The following SORCS3 variants were observed in gnomAD, a reference collection of about 807,000 sequenced individuals.
SORCS3 encodes VPS10 domain-containing receptor SorCS3.
Under a neutral mutation model 146.3 loss-of-function variants are expected in SORCS3, and 57 were observed. The ratio of observed to expected loss-of-function variants is 0.39; its 90% confidence interval spans 0.31 to 0.49. The LOEUF is 0.49. Ranked by LOEUF, SORCS3 falls within the 20% of genes least tolerant of loss-of-function variation. SORCS3 has a pLI of 0.92. For synonymous variants in SORCS3, 653 were observed against 618.5 expected (o/e 1.06, Z -0.83); for missense variants, 1,341 against 1,575.5 (o/e 0.85, Z 2.52).
chr10:104,699,073 T>A (rs1474154089), intron 1 of SORCS3, among the ~76,000 whole-genome samples: 2 of 152,156 alleles, frequency 1.3e-5, no homozygotes, highest in African/African-American at 2.4e-5. Flanking sequence ...TATTTGTTAG[T>A]TTCCAGAGGA....
intron 1 of SORCS3, among the ~76,000 whole-genome samples, chr10:104,842,330 C>T (rs965288493): frequency 1.3e-5 from 2 of 152,218 alleles, no homozygotes; most frequent in African/African-American, 4.8e-5. Flanking sequence ...CACAAAATCT[C>T]TTTGAACCCC....
At chr10:105,064,035 A>C (rs918874868) in intron 5 of SORCS3, among the ~76,000 whole-genome samples, 7 of 152,200 alleles carry the variant, frequency 4.6e-5, no homozygotes, top group Admixed American at 6.5e-5. Context: ...TTCACCACTC[A>C]TTAATTGATT....
chr10:105,129,107 G>C (rs915560636), intron 7 of SORCS3, among the ~76,000 whole-genome samples: 2 of 152,014 alleles, frequency 1.3e-5, no homozygotes, highest in African/African-American at 2.4e-5. Context: ...GAAGTACTGG[G>C]ATACTATAGA....
At chr10:104,877,681 G>A (rs2018589831) in intron 2 of SORCS3, among the ~76,000 whole-genome samples, 1 of 152,046 alleles carries the variant, frequency 6.6e-6, no homozygotes, top group Non-Finnish European at 1.5e-5. Context: ...TACCATATAA[G>A]GACAGAAAAC....
chr10:104,977,726 T>C (rs1338546912), intron 4 of SORCS3, among the ~76,000 whole-genome samples: 3 of 142,158 alleles, frequency 2.1e-5, no homozygotes, highest in Non-Finnish European at 3.0e-5. Flanking sequence ...TTTCCTTTTC[T>C]TTTCTTTTTT....
intron 6 of SORCS3, among the ~76,000 whole-genome samples, chr10:105,095,992 G>C (rs949080471): frequency 2.6e-5 from 4 of 152,068 alleles, no homozygotes. Context: ...AGAAATTTGT[G>C]CTTTTCTTAT....
At chr10:105,154,428 G>C (rs546860055) in intron 9 of SORCS3, among the ~76,000 whole-genome samples, 3 of 152,168 alleles carry the variant, frequency 2.0e-5, no homozygotes, top group Non-Finnish European at 4.4e-5. Flanking sequence ...TCCGCCAAGG[G>C]GCCTGCTGTC....
At chr10:105,130,892 A>T (rs2056013985) in intron 7 of SORCS3, among the ~76,000 whole-genome samples, 1 of 152,160 alleles carries the variant, frequency 6.6e-6, no homozygotes, top group Non-Finnish European at 1.5e-5. Context: ...ATAGGATGCC[A>T]TGTTGTTCCA....
At chr10:104,709,250 G>A (rs1035831456) in intron 1 of SORCS3, among the ~76,000 whole-genome samples, 8 of 152,202 alleles carry the variant, frequency 5.3e-5, no homozygotes, top group South Asian at 4.1e-4. Flanking sequence ...CTGGGAATGC[G>A]TCACATGGAA....
chr10:105,160,790 T>G (rs1179499860), intron 11 of SORCS3, among the ~76,000 whole-genome samples: 1 of 152,222 alleles, frequency 6.6e-6, no homozygotes, highest in Non-Finnish European at 1.5e-5. Context: ...ATAAATCCGA[T>G]GCATGCACTA....
chr10:104,961,862 A>G (rs1371744994), intron 3 of SORCS3, among the ~76,000 whole-genome samples: 1 of 152,130 alleles, frequency 6.6e-6, no homozygotes, highest in African/African-American at 2.4e-5. Flanking sequence ...GTCATGCATC[A>G]CATGATTTAT....
intron 5 of SORCS3, among the ~76,000 whole-genome samples, chr10:105,071,991 G>A (rs1213341063): frequency 1.3e-5 from 2 of 152,180 alleles, no homozygotes; most frequent in African/African-American, 4.8e-5. Context: ...GTCTCTTGGT[G>A]TAAAGACTGA....
At chr10:105,058,697 C>T (rs2055462586) in intron 5 of SORCS3, among the ~76,000 whole-genome samples, 1 of 152,058 alleles carries the variant, frequency 6.6e-6, no homozygotes, top group Non-Finnish European at 1.5e-5. Context: ...GGCCTTGGGG[C>T]ACTAGTAGGA....
chr10:105,134,751 A>G (rs1589649775), intron 7 of SORCS3, among the ~76,000 whole-genome samples: 2 of 152,208 alleles, frequency 1.3e-5, no homozygotes, highest in East Asian at 3.9e-4. Context: ...CATTCCATCC[A>G]TGGCCCCACA....
intron 1 of SORCS3, among the ~76,000 whole-genome samples, chr10:104,785,062 G>T (rs1224027833): frequency 6.6e-6 from 1 of 151,744 alleles, no homozygotes; most frequent in Non-Finnish European, 1.5e-5. Flanking sequence ...TGGGGCGGCT[G>T]GCCGGGCAGG....
At chr10:105,232,437 T>C (rs1400845277) in intron 20 of SORCS3, among the ~76,000 whole-genome samples, 2 of 152,088 alleles carry the variant, frequency 1.3e-5, no homozygotes, top group Non-Finnish European at 2.9e-5. Flanking sequence ...TCTTTTTTCT[T>C]AATTAGCCTG....
intron 3 of SORCS3, among the ~76,000 whole-genome samples, chr10:104,969,212 C>G (rs61122099): frequency 0.011 from 1,602 of 152,118 alleles, 26 homozygotes; most frequent in African/African-American, 0.036. Context: ...TAGATTCCTA[C>G]TCTCTTAATG....
chr10:104,687,470 A>G (rs2016058578), intron 1 of SORCS3, among the ~76,000 whole-genome samples: 1 of 152,216 alleles, frequency 6.6e-6, no homozygotes, highest in Non-Finnish European at 1.5e-5. Context: ...CCACATTCAA[A>G]TGCCTAGGAG....
intron 3 of SORCS3, among the ~76,000 whole-genome samples, chr10:104,926,470 T>G (rs1449584859): frequency 1.3e-5 from 2 of 152,142 alleles, no homozygotes; most frequent in Non-Finnish European, 2.9e-5. Flanking sequence ...CCTCCCTCAT[T>G]TACTGATTCC....
Sources: allele counts gnomAD v4.1 joint callset (sites outside exome capture counted in the v4.1 genomes callset), GRCh38; gene constraint gnomAD v4.1.1; transcripts MANE v1.5; gene names NCBI Gene and HGNC (gene_info 2026-07-23, HGNC 2026-07-21).